Variants in TRIM6 observed in about 807,000 individuals in gnomAD.
TRIM6 encodes tripartite motif containing 6.
Under a neutral mutation model 51.2 loss-of-function variants are expected in TRIM6, and 43 were observed. The ratio of observed to expected loss-of-function variants is 0.84; its 90% CI spans 0.66 to 1.08. TRIM6 has a LOEUF of 1.08. Among genes scored for constraint, TRIM6 ranks in the 50% least tolerant of loss-of-function variants. The probability of loss-of-function intolerance (pLI) is 0.00; values close to 1 mark genes in which losing one functional copy is unlikely to be tolerated. For synonymous variants in TRIM6, 215 were observed against 232.4 expected (o/e 0.93, Z 0.68); for missense variants, 669 against 619.0 (o/e 1.08, Z -0.86).
chr11:5,603,707 T>G lies in TRIM6; in HGVS notation c.479T>G (p.Leu160Arg), dbSNP rs754449101. Residue 160 changes from leucine (L) to arginine (R), a missense_variant, in exon 2 of 8, where the codon CTC becomes CGC. By Grantham distance (102) the Leu-to-Arg change is moderately radical (BLOSUM62 -2). Transcript: ENST00000380097. The part of the protein sequence containing the change: ...SQEHRGHHTF[L>R]VEEVAQEYQE... Reference sequence around the variant, plus strand: ...GAGCACCGTGGTCACCACACGTTCCTCGTGGAGGAGGTTGCCCAGGAGTAC... The same window carrying G: ...GAGCACCGTGGTCACCACACGTTCCGCGTGGAGGAGGTTGCCCAGGAGTAC... 2 of 1,613,340 alleles carry G rather than the reference T, an allele frequency of 1.2e-6. No individual in the cohort carries two copies. Among genetic ancestry groups the G allele is most frequent in the Non-Finnish European group, 1.7e-6 (2 of 1,179,896 alleles).
At position 5,605,371 on chromosome 11, in the gene TRIM6, C is replaced by G. The variant is rs145873528; in HGVS notation, c.638C>G (p.Thr213Arg). 3.7e-6 allele frequency: 6 copies of G among 1,614,034 alleles called. No individual in the cohort carries two copies. The African/African-American group carries it at 5.3e-5, about 14-fold the overall frequency. Residue 213 changes from threonine to arginine, a missense_variant, in exon 4 of 8, where the codon ACA (threonine) becomes AGA (arginine). Thr to Arg is a moderately conservative substitution (Grantham distance 71). Coordinates refer to ENST00000380097, the MANE Select transcript of TRIM6 (RefSeq NM_001003818.3). ...QMEPERCRIQ[T>R]EFNQLRNILD... ...GAGCCTGAGAGATGCAGGATCCAGA[C>G]AGAGTTTAATCAGCTGCGAAATATC...
chr11:5,609,320 C>T (rs570224497), intron 5 of TRIM6, among the ~76,000 whole-genome samples: 43 of 152,206 alleles, frequency 2.8e-4, no homozygotes, highest in African/African-American at 7.9e-4. Context: ...TTCCCAGAGA[C>T]GGCAAATCCT....
At chr11:5,607,034 T>G (rs574126176) in intron 4 of TRIM6, among the ~76,000 whole-genome samples, 78 of 151,898 alleles carry the variant, frequency 5.1e-4, no homozygotes, top group Non-Finnish European at 1.1e-3. Context: ...AAACCCCGTC[T>G]CTACTAAAAA....
intron 1 of TRIM6, 148 bp from the exon 2 acceptor site, chr11:5,603,098 C>A: frequency 7.4e-7 from 1 of 1,356,514 alleles, no homozygotes; most frequent in Non-Finnish European, 9.8e-7. Context: ...CTTGTATGAG[C>A]CGGGATAAAG....
rs73400351 is a variant in TRIM6, at chr11:5,605,625, C to T, written c.834+58C>T. The T allele has an allele frequency of 3.4e-3, 5,234 of 1,532,978 alleles. 156 individuals carry two copies. The African/African-American group carries it at 0.065, about 19-fold the overall frequency. 95.0% of individuals were successfully genotyped at this position (1,532,978 alleles called of 1,614,324 possible). On this transcript the variant is annotated intron_variant, in intron 4 of 7. Transcript: ENST00000380097. ...TCAAGGAAAAGAGAAACTAACTTTC[C>T]TTCCTTTCTGGGACATCAGACTACC...
At chr11:5,604,705 C>G in intron 3 of TRIM6, 76 bp downstream of exon 3, 1 of 1,455,800 alleles carries the variant, frequency 6.9e-7, no homozygotes, top group Non-Finnish European at 9.3e-7. Context: ...CAAAGGAGTC[C>G]TTGTCCTGTC....
In TRIM6 at chr11:5,612,688, G is replaced by A. The variant is rs1848621197; in HGVS notation, c.*1346G>A. ...AACCAGCTATAAAAGAAATTAAGAG[G>A]TACATGTGAGGGTAGAAACAAATAT... is the stretch of plus-strand genomic sequence containing the variant. On this transcript the variant is annotated 3_prime_UTR_variant, in exon 8 of 8. Coordinates refer to ENST00000380097, the MANE Select transcript of TRIM6 (RefSeq NM_001003818.3). 1 of 152,134 alleles carries A rather than the reference G, an allele frequency of 6.6e-6. No homozygotes were observed. The highest frequency in any genetic ancestry group is 2.4e-5 in the African/African-American group (1 of 41,414). 9.4% of individuals were successfully genotyped at this position (152,134 alleles called of 1,614,324 possible).
upstream of TRIM6, chr11:5,596,543 T>TCCCCCTTCCCCCTCCCCCTC (rs1847471584): frequency 4.1e-5 from 1 of 24,656 alleles, no homozygotes; most frequent in African/African-American, 1.7e-4. Flanking sequence ...CCTTCCCCCT[T>TCCCCCTTCCCCCTCCCCCTC]CCCCCTTCCC....
At chr11:5,600,157 G>A (rs145904748) in intron 1 of TRIM6, among the ~76,000 whole-genome samples, 115 of 152,236 alleles carry the variant, frequency 7.6e-4, no homozygotes, top group Non-Finnish European at 8.1e-4. Flanking sequence ...ATGGAGATGA[G>A]GAATATAAGG....
chr11:5,607,622 A>C (rs542977244), intron 4 of TRIM6, among the ~76,000 whole-genome samples: 23 of 152,344 alleles, frequency 1.5e-4, no homozygotes, highest in African/African-American at 5.5e-4. Context: ...CTGGTGACCA[A>C]ATGAAATTGA....
chr11:5,610,597 T>C, intron 7 of TRIM6, 36 bp downstream of exon 7: 1 of 1,603,840 alleles, frequency 6.2e-7, no homozygotes, highest in Non-Finnish European at 8.5e-7. Flanking sequence ...GGCTGGCACA[T>C]TCTGATCTCC....
At position 5,611,345 on chromosome 11, in the gene TRIM6, A is replaced by T. The variant is rs1490398425; in HGVS notation, c.*3A>T. ...CCCTGCGTCGTCCAAGCTCTTGAAT[A>T]TTCTTCTGTTCCCACCCACTTCTGA... On this transcript the variant is annotated 3_prime_UTR_variant, in exon 8 of 8. Coordinates refer to ENST00000380097, the MANE Select transcript of TRIM6 (RefSeq NM_001003818.3). 1 of 1,609,424 alleles carries T rather than the reference A, an allele frequency of 6.2e-7. No homozygotes were observed. Among genetic ancestry groups the T allele is most frequent in the Non-Finnish European group, 8.5e-7 (1 of 1,176,886 alleles).
rs760712963 is a variant in TRIM6, at chr11:5,611,161, C to T, written c.1370C>T (p.Pro457Leu). Residue 457 changes from proline to leucine, a missense_variant, in exon 8 of 8, where the codon CCC becomes CTC. Pro to Leu is a moderately conservative substitution (Grantham distance 98). Coordinates refer to ENST00000380097, the MANE Select transcript of TRIM6 (RefSeq NM_001003818.3). Reference sequence around the variant, plus strand: ...TCCCTGCTTCTCTCCATGACAGTGCCCCCTCGCCGTGTTGGGGTTTTCTTA... The same window carrying T: ...TCCCTGCTTCTCTCCATGACAGTGCTCCCTCGCCGTGTTGGGGTTTTCTTA... Reference protein sequence around the residue: ...SPSLLLSMTVPPRRVGVFLDY... With the variant: ...SPSLLLSMTVLPRRVGVFLDY... 8 of 1,614,136 alleles carry T rather than the reference C, an allele frequency of 5.0e-6. No homozygotes were observed. Among genetic ancestry groups the T allele is most frequent in the Middle Eastern group, 1.6e-4 (1 of 6,062 alleles).
intron 4 of TRIM6, 52 bp downstream of exon 4, chr11:5,605,619 ACTTTC>A (rs1235126422): frequency 6.5e-7 from 1 of 1,544,448 alleles, no homozygotes; most frequent in Admixed American, 2.2e-5. Context: ...AGAGAAACTA[ACTTTC>A]CTTCCTTTCT....
At chr11:5,605,719 A>G in intron 4 of TRIM6, 152 bp downstream of exon 4, 1 of 955,000 alleles carries the variant, frequency 1.0e-6, no homozygotes, top group South Asian at 1.8e-5. Flanking sequence ...AACTGTTTAG[A>G]GGTATGGAGT....
chr11:5,598,479 T>C (rs1847615364), intron 1 of TRIM6, among the ~76,000 whole-genome samples: 1 of 152,206 alleles, frequency 6.6e-6, no homozygotes, highest in Non-Finnish European at 1.5e-5. Flanking sequence ...AAGCCACATA[T>C]GTAATGTTAC....
Position 5,610,543 on chromosome 11 carries a change from G to A in TRIM6, c.967G>A (p.Asp323Asn). 1 of 1,613,940 alleles carries A rather than the reference G, an allele frequency of 6.2e-7. No individual in the cohort carries two copies. Among genetic ancestry groups the A allele is most frequent in the Non-Finnish European group, 8.5e-7 (1 of 1,179,908 alleles). ...RMLRVCRELT[D>N]VQSYWVDVTL... is the part of the protein sequence containing the mutation. ...TCTTTTCATCATTACAGAGCTGACAGATGTCCAAAGCTACTGGGGTAAGTA... is the reference window on the plus strand; with the variant it reads ...TCTTTTCATCATTACAGAGCTGACAAATGTCCAAAGCTACTGGGGTAAGTA... Residue 323 changes from aspartate (D) to asparagine (N), a missense_variant, in exon 7 of 8, where the codon GAT (aspartate) becomes AAT (asparagine). Coordinates refer to ENST00000380097, the MANE Select transcript of TRIM6 (RefSeq NM_001003818.3).
chr11:5,599,577 G>T (rs2133815274), intron 1 of TRIM6, among the ~76,000 whole-genome samples: 1 of 152,076 alleles, frequency 6.6e-6, no homozygotes, highest in Non-Finnish European at 1.5e-5. Flanking sequence ...CTAAATTTTT[G>T]TATTTTTAGT....
intron 5 of TRIM6, among the ~76,000 whole-genome samples, chr11:5,609,321 G>A (rs1196309144): frequency 1.3e-5 from 2 of 152,032 alleles, no homozygotes; most frequent in Non-Finnish European, 1.5e-5. Flanking sequence ...TCCCAGAGAC[G>A]GCAAATCCTA....
Sources: gnomAD v4.1 joint callset for allele counts (sites outside exome capture counted in the v4.1 genomes callset) on GRCh38, gnomAD v4.1.1 for gene constraint, MANE v1.5 for transcripts, NCBI Gene and HGNC (gene_info 2026-07-23, HGNC 2026-07-21) for gene names.